Variants in AHRR observed in about 807,000 individuals in gnomAD.
AHRR encodes the protein ahR repressor.
A neutral mutation model predicts 44.0 loss-of-function variants in AHRR; 28 were observed. The ratio of observed to expected loss-of-function variants is 0.64; its 90% CI spans 0.47 to 0.87. The LOEUF is 0.87. Ranked by LOEUF, AHRR falls within the 40% of genes least tolerant of loss-of-function variation. AHRR has a pLI of 0.00. For missense variants in AHRR, 990 were observed against 953.9 expected, an observed-to-expected ratio of 1.04 and a Z score of -0.50; for synonymous variants, 434 against 407.0, an observed-to-expected ratio of 1.07 and a Z score of -0.80.
intron 2 of AHRR, among the ~76,000 whole-genome samples, chr5:346,656 C>A (rs1020123747): frequency 1.3e-5 from 2 of 152,198 alleles, no homozygotes; most frequent in Admixed American, 1.3e-4. Flanking sequence ...CCGGCTTCAT[C>A]CTTGGCCCCC....
rs1438839044 is a variant in AHRR, at chr5:337,741, AG to A, written c.-10-6147del. On this transcript the variant is annotated intron_variant, in intron 1 of 10. Transcript: ENST00000684583. This position sits in a 1 kb window ranked among gnomAD's most constrained non-coding sequence, Gnocchi z 4.1. ...GAGGCCCCTAAGGAGTGCGCTTGGA[AG>A]GGGGCTCCCTTCCCAAAGCTGGGGC... 3.9e-5 allele frequency among the ~76,000 whole-genome samples: 6 copies of A among 152,188 alleles called. No individual in the cohort carries two copies. Among genetic ancestry groups the A allele is most frequent in the Admixed American group, 3.3e-4 (5 of 15,290 alleles).
chr5:390,679 C>G (rs938040181), intron 4 of AHRR, among the ~76,000 whole-genome samples: 1 of 152,022 alleles, frequency 6.6e-6, no homozygotes, highest in African/African-American at 2.4e-5. Flanking sequence ...GAGCTGGCTT[C>G]CCAGAGCCCA....
chr5:350,775 T>TAAAAAAA (rs11306149), intron 2 of AHRR, among the ~76,000 whole-genome samples: 1 of 133,500 alleles, frequency 7.5e-6, no homozygotes, highest in Non-Finnish European at 1.6e-5. Context: ...GGTGCAACAT[T>TAAAAAAA]AAAAAAAAAA....
intron 5 of AHRR, chr5:420,841 CACGCA>C: frequency 3.3e-6 from 1 of 307,140 alleles, no homozygotes; most frequent in Non-Finnish European, 6.3e-6. Context: ...ACCCACGCAG[CACGCA>C]CAGACCCACG....
rs1051853795 is a variant in AHRR, at chr5:383,901, C to G, written c.351+7185C>G. The stretch of plus-strand genomic sequence containing the variant: ...TTTGATTAATGTTTGCTTGGAATAT[C>G]TTACTCCATCTTTTTACTTTTAATC... On this transcript the variant is annotated intron_variant, in intron 4 of 10. Coordinates refer to ENST00000684583, the MANE Select transcript of AHRR (RefSeq NM_001377236.1). The surrounding 1 kb of genome is among the most constrained non-coding windows in gnomAD (Gnocchi z 4.0). Among the ~76,000 whole-genome samples, 6 of 152,120 alleles carry G rather than the reference C, an allele frequency of 3.9e-5. No homozygotes were observed. The highest frequency in any genetic ancestry group is 8.8e-5 in the Non-Finnish European group (6 of 68,006).
intron 5 of AHRR, among the ~76,000 whole-genome samples, chr5:415,208 A>G (rs72711364): frequency 0.26 from 39,571 of 152,258 alleles, 6,184 homozygotes; most frequent in Non-Finnish European, 0.35. Flanking sequence ...CCCCTGCACT[A>G]CCCAGCACCT....
intron 3 of AHRR, among the ~76,000 whole-genome samples, chr5:361,732 C>T (rs769546416): frequency 3.9e-5 from 6 of 152,196 alleles, no homozygotes; most frequent in Non-Finnish European, 7.3e-5. Flanking sequence ...GAGTTCCATC[C>T]CATGCCTGTT....
Position 344,086 on chromosome 5 carries a change from G to A in AHRR, c.62+122G>A, listed in dbSNP as rs576319605. The A allele has an allele frequency of 4.9e-5, 54 of 1,105,942 alleles. No homozygotes were observed. In the South Asian group the frequency reaches 7.2e-4, roughly 15 times the overall value. The allele number at this position is 1,105,942 out of a possible 1,614,324, so 68.5% of individuals were successfully genotyped here. A position where few individuals can be genotyped will look rare whatever the true frequency, so the allele number is the denominator to read the frequency against. ...GCGAGGAAGGCTTCGGGAGCCGGGC[G>A]GGCCGGGGCTGAGCTCCGGCGCGGG... On this transcript the variant is annotated intron_variant, in intron 2 of 10. Coordinates refer to ENST00000684583, the MANE Select transcript of AHRR (RefSeq NM_001377236.1).
rs749405340 is a variant in AHRR at position 410,635 on chromosome 5, G to GCCT, written c.352-2708_352-2706dup. On this transcript the variant is annotated intron_variant, in intron 4 of 10. Transcript: ENST00000684583. ...GACAGGACAATCCTAACTACATTGA[G>GCCT]CCTTTCAATCCAGGAACACTGTGTA... 1.3e-3 allele frequency among the ~76,000 whole-genome samples: 199 copies of GCCT among 152,346 alleles called. 11 individuals are homozygous for GCCT. In the East Asian group the frequency reaches 0.021, roughly 16 times the overall value.
chr5:376,559 T>TGAATGAAGGAGAACCGTGGGGTGAACGC (rs1423034523), intron 3 of AHRR, 51 bp from the exon 4 acceptor site: 6 of 243,000 alleles, frequency 2.5e-5, no homozygotes, highest in Non-Finnish European at 3.7e-5. Context: ...TGAAGAAGAG[T>TGAATGAAGGAGAACCGTGGGGTGAACGC]GGCCAGGCCA....
intron 3 of AHRR, 58 bp from the exon 4 acceptor site, chr5:376,552 A>ATGAGAACC: frequency 7.2e-7 from 1 of 1,397,070 alleles, no homozygotes; most frequent in Non-Finnish European, 9.7e-7. Context: ...ATGTGAATGA[A>ATGAGAACC]GAAGAGTGGC....
intron 4 of AHRR, among the ~76,000 whole-genome samples, chr5:382,349 T>C (rs1324204246): frequency 4.6e-5 from 7 of 152,232 alleles, no homozygotes; most frequent in Admixed American, 2.6e-4. Context: ...TTCCTTGGAC[T>C]GTTGAAGTTT....
intron 8 of AHRR, among the ~76,000 whole-genome samples, chr5:428,357 A>G (rs1736567295): frequency 6.6e-6 from 1 of 152,128 alleles, no homozygotes; most frequent in Admixed American, 6.5e-5. Context: ...CGCCCTTCAC[A>G]CCGTCTGTCT....
chr5:422,722 A>G lies in AHRR; in HGVS notation c.442-7A>G. On this transcript the variant is annotated splice_polypyrimidine_tract_variant and splice_region_variant and intron_variant, in intron 5 of 10. Transcript: ENST00000684583. ...AAGGCTGAAATAATCTTGTTGCGCTATTTCAGACGGATGTAATGCACCAGA... is the reference window on the plus strand; with the variant it reads ...AAGGCTGAAATAATCTTGTTGCGCTGTTTCAGACGGATGTAATGCACCAGA... The G allele has an allele frequency of 6.2e-7, 1 of 1,614,114 alleles. No homozygotes were observed. Among genetic ancestry groups the G allele is most frequent in the Non-Finnish European group, 8.5e-7 (1 of 1,180,006 alleles).
At chr5:398,801 C>T (rs550346104) in intron 4 of AHRR, among the ~76,000 whole-genome samples, 102 of 152,308 alleles carry the variant, frequency 6.7e-4, no homozygotes, top group Middle Eastern at 3.4e-3. Flanking sequence ...CCTGCGGGCT[C>T]CGGAGGCCGT....
intron 7 of AHRR, 44 bp downstream of exon 7, chr5:424,021 T>C (rs574516976): frequency 4.4e-6 from 7 of 1,578,460 alleles, no homozygotes; most frequent in Middle Eastern, 1.7e-4. Flanking sequence ...ACATCTGGGA[T>C]GCATTCTACC....
chr5:367,258 G>A (rs1279767587), intron 3 of AHRR, among the ~76,000 whole-genome samples: 3 of 152,246 alleles, frequency 2.0e-5, no homozygotes, highest in Non-Finnish European at 4.4e-5. Flanking sequence ...GGGAGAACGG[G>A]AGTTCGTGGG....
At chr5:365,656 A>G (rs1374918074) in intron 3 of AHRR, among the ~76,000 whole-genome samples, 2 of 151,580 alleles carry the variant, frequency 1.3e-5, no homozygotes, top group African/African-American at 4.9e-5. Flanking sequence ...TAAACTTTAC[A>G]AAGATCTGGT....
intron 3 of AHRR, among the ~76,000 whole-genome samples, chr5:374,166 C>T (rs1432374316): frequency 6.6e-6 from 1 of 152,048 alleles, no homozygotes; most frequent in Admixed American, 6.5e-5. Flanking sequence ...CCCCCACCCG[C>T]GCTGCCCCAG....
Sources: allele counts gnomAD v4.1 joint callset (sites outside exome capture counted in the v4.1 genomes callset), GRCh38; gene constraint gnomAD v4.1.1; non-coding constraint Gnocchi (gnomAD v3.1); transcripts MANE v1.5; gene names NCBI Gene and HGNC (gene_info 2026-07-23, HGNC 2026-07-21).